The following CFAP58 variants were observed in gnomAD, a reference collection of about 807,000 sequenced individuals.
CFAP58 encodes cilia- and flagella-associated protein 58.
In CFAP58, 88 loss-of-function variants were observed where a neutral mutation model predicts 119.5. The observed-to-expected ratio is 0.74, with a 90% confidence interval of 0.62 to 0.88. The LOEUF (loss-of-function observed/expected upper bound fraction) is 0.88, where lower values mean the gene tolerates loss of function less well. Among genes scored for constraint, CFAP58 ranks in the 40% least tolerant of loss-of-function variants. The pLI is 0.00. For synonymous variants in CFAP58, 365 were observed against 366.3 expected, an observed-to-expected ratio of 1.00 and a Z score of 0.04; for missense variants, 990 against 1,021.2, an observed-to-expected ratio of 0.97 and a Z score of 0.42.
At chr10:104,357,607 C>T (rs1309967852) in intron 1 of CFAP58, among the ~76,000 whole-genome samples, 2 of 152,068 alleles carry the variant, frequency 1.3e-5, no homozygotes, top group African/African-American at 4.8e-5. Flanking sequence ...TACTATTTGC[C>T]AGGCATTTGG....
chr10:104,382,075 C>CT (rs1251131912), intron 9 of CFAP58: 3 of 717,132 alleles, frequency 4.2e-6, no homozygotes, highest in Non-Finnish European at 7.8e-6. Context: ...GCTCATATAA[C>CT]TGGCCTTTGC....
At chr10:104,406,652 T>C (rs369759266) in intron 14 of CFAP58, 37 bp from the exon 15 acceptor site, 5 of 1,527,336 alleles carry the variant, frequency 3.3e-6, no homozygotes, top group Non-Finnish European at 4.5e-6. Flanking sequence ...TTGAAGCTGA[T>C]GATATCTCAG....
intron 15 of CFAP58, among the ~76,000 whole-genome samples, chr10:104,409,815 T>C (rs1057167891): frequency 6.6e-6 from 1 of 152,186 alleles, no homozygotes; most frequent in Non-Finnish European, 1.5e-5. Flanking sequence ...TTTAAACTTT[T>C]GGTGTCTTTG....
At chr10:104,355,715 C>G (rs1409559079) in intron 1 of CFAP58, among the ~76,000 whole-genome samples, 1 of 152,230 alleles carries the variant, frequency 6.6e-6, no homozygotes, top group Non-Finnish European at 1.5e-5. Context: ...TTTCATCCTT[C>G]TGAAACAGAT....
chr10:104,348,887 G>T (rs111726522), upstream of CFAP58, among the ~76,000 whole-genome samples: 9 of 152,170 alleles, frequency 5.9e-5, no homozygotes, highest in African/African-American at 2.2e-4. Context: ...ACAGCAGAGT[G>T]CTGGCTGGTT....
intron 14 of CFAP58, 79 bp from the exon 15 acceptor site, chr10:104,406,610 C>A: frequency 1.8e-6 from 2 of 1,107,696 alleles, no homozygotes; most frequent in Non-Finnish European, 2.7e-6. Flanking sequence ...TTTAATAAGA[C>A]AATGTGCATT....
At chr10:104,360,501 G>A (rs2014651858) in intron 2 of CFAP58, among the ~76,000 whole-genome samples, 1 of 152,098 alleles carries the variant, frequency 6.6e-6, no homozygotes, top group South Asian at 2.1e-4. Context: ...AAACTTTTAA[G>A]TGCAGGGGTA....
intron 1 of CFAP58, among the ~76,000 whole-genome samples, chr10:104,355,395 G>C (rs535488255): frequency 1.4e-4 from 21 of 152,310 alleles, no homozygotes; most frequent in South Asian, 1.2e-3. Context: ...GGCCTCAGAA[G>C]CTGCTCCACT....
chr10:104,358,451 G>A lies in CFAP58; in HGVS notation c.120G>A (p.Arg40=). 6.2e-7 allele frequency: 1 copy of A among 1,614,008 alleles called. No homozygotes were observed. Among genetic ancestry groups the A allele is most frequent in the Non-Finnish European group, 8.5e-7 (1 of 1,180,002 alleles). ...LSGDKSLEKF[R]IEYERLHAVM... Reference sequence around the variant, plus strand: ...GAGACAAAAGTTTGGAAAAATTTCGGATTGAATATGAGAGGCTTCATGCTG... The same window carrying A: ...GAGACAAAAGTTTGGAAAAATTTCGAATTGAATATGAGAGGCTTCATGCTG... Residue 40 remains arginine (R), a synonymous_variant, in exon 2 of 18, where the codon CGG becomes CGA. Coordinates refer to ENST00000369704, the MANE Select transcript of CFAP58 (RefSeq NM_001008723.2).
chr10:104,341,518 TAAA>T, the CFAP58 span, among the ~76,000 whole-genome samples: 1 of 151,600 alleles, frequency 6.6e-6, no homozygotes, highest in African/African-American at 2.4e-5. Context: ...TATGTAGAAA[TAAA>T]AAGTTTAGTC....
the CFAP58 span, among the ~76,000 whole-genome samples, chr10:104,345,309 T>A: frequency 6.6e-6 from 1 of 152,132 alleles, no homozygotes; most frequent in Admixed American, 6.5e-5. Flanking sequence ...TTCTTTGGTA[T>A]TTACATTGAG....
Position 104,447,814 on chromosome 10 carries a change from GA to G in CFAP58, c.2376del (p.Val793PhefsTer6). The G allele has an allele frequency of 6.2e-7, 1 of 1,611,536 alleles. No homozygotes were observed. The highest frequency in any genetic ancestry group is 8.5e-7 in the Non-Finnish European group (1 of 1,178,482). On this transcript the variant is annotated frameshift_variant and splice_region_variant, in exon 16 of 18. Transcript: ENST00000369704. LOFTEE classifies it high-confidence loss of function. ...CGCTGCATGACAAGAAGCAGCAGCT[GA>G]AAGTAAGTGGTAGCCCCTGTTCCTT... is the stretch of plus-strand genomic sequence containing the variant. ...RTLHDKKQQL[K>X]VLSSELNMYE...
chr10:104,417,001 G>A (rs1312854452), intron 15 of CFAP58, among the ~76,000 whole-genome samples: 1 of 152,218 alleles, frequency 6.6e-6, no homozygotes, highest in African/African-American at 2.4e-5. Flanking sequence ...AGTGGCACTG[G>A]CATCTCTGAG....
At chr10:104,351,608 T>C (rs1430284590), upstream of CFAP58, 1 of 152,196 alleles carries the variant, frequency 6.6e-6, no homozygotes. Context: ...TTGGAAAATT[T>C]GCTCACCCCA....
At chr10:104,453,783 T>C (rs2013232965) in intron 17 of CFAP58, among the ~76,000 whole-genome samples, 1 of 151,674 alleles carries the variant, frequency 6.6e-6, no homozygotes, top group Admixed American at 6.6e-5. Context: ...TGTGTGTGTG[T>C]GTGTGTGTGT....
chr10:104,400,984 G>A (rs2012254360), intron 13 of CFAP58, 81 bp downstream of exon 13: 4 of 944,240 alleles, frequency 4.2e-6, no homozygotes, highest in Non-Finnish European at 6.6e-6. Flanking sequence ...CATGCTTGTT[G>A]CTCATTGAAG....
chr10:104,379,766 C>T (rs1361714132), intron 8 of CFAP58, among the ~76,000 whole-genome samples: 1 of 152,196 alleles, frequency 6.6e-6, no homozygotes, highest in Non-Finnish European at 1.5e-5. Context: ...TCTTCAGTCT[C>T]AGTTTCCTAC....
chr10:104,354,106 C>A (rs530493400), intron 1 of CFAP58, among the ~76,000 whole-genome samples, 200 bp downstream of exon 1: 1 of 152,204 alleles, frequency 6.6e-6, no homozygotes. Flanking sequence ...TGTGTGGACA[C>A]CCCACTATCC....
chr10:104,357,844 T>TATAC (rs2014572913), intron 1 of CFAP58, among the ~76,000 whole-genome samples: 1 of 71,586 alleles, frequency 1.4e-5, no homozygotes, highest in Non-Finnish European at 2.8e-5. Flanking sequence ...TGTACACATA[T>TATAC]GTACACATAT....
Sources: allele counts gnomAD v4.1 joint callset (sites outside exome capture counted in the v4.1 genomes callset), GRCh38; gene constraint gnomAD v4.1.1; transcripts MANE v1.5; gene names NCBI Gene and HGNC (gene_info 2026-07-23, HGNC 2026-07-21).